Variants in ZRANB3 observed in about 807,000 individuals in gnomAD.
ZRANB3 encodes DNA annealing helicase and endonuclease ZRANB3.
Under a neutral mutation model 133.8 loss-of-function variants are expected in ZRANB3, and 125 were observed. That is an observed-to-expected ratio of 0.93 (90% CI 0.81 to 1.08). The LOEUF is 1.08. Among genes scored for constraint, ZRANB3 ranks in the 50% least tolerant of loss-of-function variants. The pLI, the probability that ZRANB3 is intolerant of heterozygous loss-of-function variation, is 0.00. For missense variants in ZRANB3, 1,229 were observed against 1,275.5 expected, an observed-to-expected ratio of 0.96 and a Z score of 0.56; for synonymous variants, 387 against 432.7, an observed-to-expected ratio of 0.89 and a Z score of 1.31.
chr2:135,508,844 AAAG>A (rs1444838640), intron 1 of ZRANB3, among the ~76,000 whole-genome samples: 3 of 152,178 alleles, frequency 2.0e-5, no homozygotes, highest in Admixed American at 6.5e-5. Flanking sequence ...TACATTAATA[AAAG>A]AAGATGCACA....
intron 8 of ZRANB3, among the ~76,000 whole-genome samples, chr2:135,281,182 A>C (rs1243006386): frequency 1.3e-5 from 2 of 152,186 alleles, no homozygotes; most frequent in Non-Finnish European, 2.9e-5. Context: ...AATAGTCTTG[A>C]GTAGTCTTCC....
chr2:135,220,358 G>T (rs1187978318), intron 15 of ZRANB3, among the ~76,000 whole-genome samples: 1 of 150,816 alleles, frequency 6.6e-6, no homozygotes, highest in East Asian at 1.9e-4. Flanking sequence ...AAAAGTTACA[G>T]CTCCCACAAT....
chr2:135,367,404 C>A (rs981560415), intron 3 of ZRANB3, among the ~76,000 whole-genome samples: 1 of 152,142 alleles, frequency 6.6e-6, no homozygotes, highest in African/African-American at 2.4e-5. Flanking sequence ...CATGTCCCTG[C>A]GAGGACTTCA....
chr2:135,270,888 A>G (rs577456986), intron 10 of ZRANB3, among the ~76,000 whole-genome samples: 2 of 152,376 alleles, frequency 1.3e-5, no homozygotes, highest in African/African-American at 4.8e-5. Flanking sequence ...ATGCTGGCAG[A>G]AAAACAGTCC....
chr2:135,483,220 G>C (rs1691920116), intron 2 of ZRANB3, among the ~76,000 whole-genome samples: 1 of 152,100 alleles, frequency 6.6e-6, no homozygotes, highest in East Asian at 1.9e-4. Flanking sequence ...ACCTCTGGTA[G>C]AATTCGGCTG....
chr2:135,432,068 T>A (rs1689346253), intron 2 of ZRANB3, among the ~76,000 whole-genome samples: 1 of 152,074 alleles, frequency 6.6e-6, no homozygotes, highest in Non-Finnish European at 1.5e-5. Context: ...CTGACCAACA[T>A]GGAGAAACCC....
In ZRANB3 at chr2:135,405,474, T is replaced by A. The variant is rs143695011; in HGVS notation, c.162-14654A>T. 2.6e-5 allele frequency among the ~76,000 whole-genome samples: 4 copies of A among 152,326 alleles called. No homozygotes were observed. In the East Asian group the frequency reaches 7.7e-4, roughly 29 times the overall value. On this transcript the variant is annotated intron_variant, in intron 2 of 20. Coordinates refer to ENST00000264159, the MANE Select transcript of ZRANB3 (RefSeq NM_032143.4). ...ACAGCTCTGCACCAAGCGGACCTAA[T>A]AGACATCTACAGAACTCTCCATCCC...
At chr2:135,404,202 G>GA (rs1355764486) in intron 2 of ZRANB3, among the ~76,000 whole-genome samples, 7 of 152,076 alleles carry the variant, frequency 4.6e-5, no homozygotes, top group Non-Finnish European at 1.0e-4. Flanking sequence ...CAAAAACCTT[G>GA]AAAAAAATTA....
chr2:135,258,667 A>G (rs1256009860), intron 12 of ZRANB3, among the ~76,000 whole-genome samples: 13 of 152,234 alleles, frequency 8.5e-5, no homozygotes, highest in Admixed American at 7.8e-4. Context: ...TCATGTCCTT[A>G]TCAATTAGGC....
chr2:135,497,790 C>T (rs1410169652), intron 2 of ZRANB3, among the ~76,000 whole-genome samples: 2 of 152,098 alleles, frequency 1.3e-5, no homozygotes, highest in Non-Finnish European at 2.9e-5. Context: ...CGGTGGCTCA[C>T]ACTTATCATC....
chr2:135,384,515 C>A (rs569160846), intron 3 of ZRANB3, among the ~76,000 whole-genome samples: 20 of 152,242 alleles, frequency 1.3e-4, no homozygotes, highest in African/African-American at 4.3e-4. Context: ...CATCCTGATA[C>A]CAAAGCGTGG....
chr2:135,244,090 T>C (rs1695675925), intron 12 of ZRANB3, among the ~76,000 whole-genome samples: 1 of 148,536 alleles, frequency 6.7e-6, no homozygotes, highest in Non-Finnish European at 1.5e-5. Context: ...TAATGACTTA[T>C]GTCTCCATTT....
intron 14 of ZRANB3, among the ~76,000 whole-genome samples, chr2:135,225,398 A>G (rs1051848224): frequency 5.9e-5 from 9 of 152,200 alleles, no homozygotes; most frequent in African/African-American, 2.2e-4. Context: ...TATTTTTCTA[A>G]TCAAGGCATT....
At chr2:135,256,516 T>C (rs1034235157) in intron 12 of ZRANB3, among the ~76,000 whole-genome samples, 1 of 151,978 alleles carries the variant, frequency 6.6e-6, no homozygotes, top group African/African-American at 2.4e-5. Context: ...TTAGTAGAGA[T>C]GGGGTTTCTC....
At chr2:135,522,301 G>A (rs962917554) in intron 1 of ZRANB3, among the ~76,000 whole-genome samples, 3 of 152,116 alleles carry the variant, frequency 2.0e-5, no homozygotes, top group African/African-American at 4.8e-5. Context: ...CAAAGAGCTT[G>A]TAAACCAATA....
At chr2:135,296,389 C>G (rs936324458) in intron 8 of ZRANB3, among the ~76,000 whole-genome samples, 4 of 152,144 alleles carry the variant, frequency 2.6e-5, no homozygotes, top group African/African-American at 9.7e-5. Flanking sequence ...AGGCTTGTGC[C>G]TTCGTCATGC....
intron 1 of ZRANB3, among the ~76,000 whole-genome samples, chr2:135,518,572 C>T (rs1314390736): frequency 6.6e-6 from 1 of 152,238 alleles, no homozygotes; most frequent in Non-Finnish European, 1.5e-5. Flanking sequence ...TTGGCTTGCC[C>T]TCCATGGGCT....
chr2:135,288,873 C>CGTGTGT (rs57200280), intron 8 of ZRANB3, among the ~76,000 whole-genome samples: 7,110 of 141,302 alleles, frequency 0.05, 329 homozygotes, highest in African/African-American at 0.12. Context: ...CTTCATTTAT[C>CGTGTGT]GTGTGTGTGT....
chr2:135,315,959 C>T (rs538509919), intron 6 of ZRANB3, among the ~76,000 whole-genome samples: 2 of 152,300 alleles, frequency 1.3e-5, no homozygotes, highest in African/African-American at 4.8e-5. Context: ...TTTCTGTGCC[C>T]TCTAGGAGGA....
Sources: gnomAD v4.1 joint callset for allele counts (sites outside exome capture counted in the v4.1 genomes callset) on GRCh38, gnomAD v4.1.1 for gene constraint, MANE v1.5 for transcripts, NCBI Gene and HGNC (gene_info 2026-07-23, HGNC 2026-07-21) for gene names.